The following RAB7A variants were observed in gnomAD, a reference collection of about 807,000 sequenced individuals.
The protein encoded by RAB7A is ras-related protein Rab-7a.
Under a neutral mutation model 24.5 loss-of-function variants are expected in RAB7A, and 2 were observed. The observed-to-expected ratio is 0.08, with a 90% CI of 0.03 to 0.26. The LOEUF is 0.26. Among genes scored for constraint, RAB7A ranks in the 10% least tolerant of loss-of-function variants. The pLI is 1.00. For synonymous variants in RAB7A, 100 were observed against 95.9 expected (o/e 1.04, Z -0.25); for missense variants, 118 against 255.7 (o/e 0.46, Z 3.67).
chr3:128,774,371 G>T (rs1933030849), intron 1 of RAB7A, among the ~76,000 whole-genome samples: 1 of 151,908 alleles, frequency 6.6e-6, no homozygotes, highest in East Asian at 1.9e-4. Context: ...GTTGGGTGGA[G>T]AGTGGTTGGG....
intron 1 of RAB7A, among the ~76,000 whole-genome samples, chr3:128,767,239 G>A (rs989584100): frequency 6.6e-6 from 1 of 152,190 alleles, no homozygotes; most frequent in Non-Finnish European, 1.5e-5. Flanking sequence ...ATACAAGAGG[G>A]ATGCCCCTTC....
chr3:128,784,389 C>G (rs1933293177), intron 1 of RAB7A, among the ~76,000 whole-genome samples: 1 of 152,182 alleles, frequency 6.6e-6, no homozygotes, highest in Non-Finnish European at 1.5e-5. Context: ...TACTTTCTCC[C>G]CATTCTCTTC....
chr3:128,773,309 C>T (rs1056276730), intron 1 of RAB7A, among the ~76,000 whole-genome samples: 6 of 151,552 alleles, frequency 4.0e-5, no homozygotes, highest in African/African-American at 1.5e-4. Context: ...GTGAGGAGCC[C>T]CTCCGCCCGG....
chr3:128,764,264 G>A (rs1288270634), intron 1 of RAB7A, among the ~76,000 whole-genome samples: 2 of 151,852 alleles, frequency 1.3e-5, no homozygotes, highest in African/African-American at 2.4e-5. Flanking sequence ...TTTCTGTCCT[G>A]TAATAGCTTT....
chr3:128,793,245 TCTC>T (rs1337730183), intron 1 of RAB7A, among the ~76,000 whole-genome samples: 1 of 147,812 alleles, frequency 6.8e-6, no homozygotes, highest in East Asian at 2.0e-4. Context: ...CTGGTCTCGA[TCTC>T]CTGATCTCAT....
rs889605879 is a variant in RAB7A, at chr3:128,771,478, G to A, written c.-8-23882G>A. ...AGCATTGGTTCCAGGAATTCAAGAG[G>A]TGGTGAGATATTATGCTTAATGGTA... On this transcript the variant is annotated intron_variant, in intron 1 of 5. Coordinates refer to ENST00000265062, the MANE Select transcript of RAB7A (RefSeq NM_004637.6). Among the ~76,000 whole-genome samples the A allele has an allele frequency of 1.1e-4, 17 of 152,208 alleles. 1 individual carries two copies. The highest frequency in any genetic ancestry group is 3.9e-4 in the African/African-American group (16 of 41,452).
intron 5 of RAB7A, among the ~76,000 whole-genome samples, chr3:128,810,921 G>A (rs1933911067): frequency 1.3e-5 from 2 of 152,156 alleles, no homozygotes; most frequent in African/African-American, 4.8e-5. Flanking sequence ...TGGCGTGGTG[G>A]TGGGCACCTG....
intron 5 of RAB7A, among the ~76,000 whole-genome samples, chr3:128,808,311 G>A (rs1229420240): frequency 6.6e-6 from 1 of 152,144 alleles, no homozygotes; most frequent in African/African-American, 2.4e-5. Context: ...AGTGAGCCAA[G>A]ATCGTGCCAC....
chr3:128,809,942 T>A (rs1182547949), intron 5 of RAB7A, among the ~76,000 whole-genome samples: 1 of 74,860 alleles, frequency 1.3e-5, no homozygotes, highest in African/African-American at 5.0e-5. Flanking sequence ...CAGTCTTTTT[T>A]TTTTTTTTTT....
chr3:128,742,515 T>A (rs1268184671), intron 1 of RAB7A, among the ~76,000 whole-genome samples: 2 of 152,182 alleles, frequency 1.3e-5, no homozygotes, highest in Non-Finnish European at 2.9e-5. Context: ...GATTGGTGTG[T>A]TTATAATCCC....
chr3:128,786,784 C>T (rs1933351216), intron 1 of RAB7A, among the ~76,000 whole-genome samples: 2 of 152,192 alleles, frequency 1.3e-5, no homozygotes. Flanking sequence ...CAAGAAATGC[C>T]GAGTGATTAA....
At chr3:128,782,792 G>A (rs929230543) in intron 1 of RAB7A, among the ~76,000 whole-genome samples, 1 of 152,070 alleles carries the variant, frequency 6.6e-6, no homozygotes, top group African/African-American at 2.4e-5. Context: ...CAAGCATGAG[G>A]AAGTACTGTC....
chr3:128,751,125 C>T (rs2070676760), intron 1 of RAB7A, among the ~76,000 whole-genome samples: 1 of 152,364 alleles, frequency 6.6e-6, no homozygotes, highest in Middle Eastern at 3.4e-3. Flanking sequence ...AGGGGCAGGA[C>T]TCTCATGGAG....
chr3:128,772,872 G>A (rs936396324), intron 1 of RAB7A, among the ~76,000 whole-genome samples: 1 of 152,254 alleles, frequency 6.6e-6, no homozygotes, highest in African/African-American at 2.4e-5. Flanking sequence ...GATTGCAGAC[G>A]GAGTCTCGTT....
intron 1 of RAB7A, among the ~76,000 whole-genome samples, chr3:128,771,315 G>T (rs939564558): frequency 6.6e-6 from 1 of 152,156 alleles, no homozygotes; most frequent in Non-Finnish European, 1.5e-5. Context: ...CCTCAGTTTG[G>T]GGGGCTCATC....
intron 5 of RAB7A, among the ~76,000 whole-genome samples, chr3:128,811,437 A>G (rs530607675): frequency 6.6e-6 from 1 of 152,386 alleles, no homozygotes; most frequent in East Asian, 1.9e-4. Context: ...CAGCTTATCC[A>G]TGCATTCTAA....
chr3:128,751,717 A>C (rs1180875720), intron 1 of RAB7A, among the ~76,000 whole-genome samples: 1 of 152,152 alleles, frequency 6.6e-6, no homozygotes, highest in Non-Finnish European at 1.5e-5. Context: ...TGGGAAGGCA[A>C]GATTGGTTTT....
In RAB7A at chr3:128,807,524, AC is replaced by A. The variant is rs1933831957; in HGVS notation, c.400-16del. 4 of 1,613,552 alleles carry A rather than the reference AC, an allele frequency of 2.5e-6. No individual in the cohort carries two copies. The highest frequency in any genetic ancestry group is 3.4e-6 in the Non-Finnish European group (4 of 1,179,958). On this transcript the variant is annotated intron_variant, in intron 4 of 5. Coordinates refer to ENST00000265062, the MANE Select transcript of RAB7A (RefSeq NM_004637.6). ...CTGCTTCTGTCATGAGCCTATGTGC[AC>A]CCTGCTTCTTCTTTCAGGTGGCCAC... is the stretch of plus-strand genomic sequence containing the variant.
chr3:128,741,331 T>A (rs1576270709), intron 1 of RAB7A, among the ~76,000 whole-genome samples: 1 of 152,176 alleles, frequency 6.6e-6, no homozygotes, highest in Non-Finnish European at 1.5e-5. Flanking sequence ...TTTCTGTGTT[T>A]CATATTATGC....
Sources: allele counts gnomAD v4.1 joint callset (sites outside exome capture counted in the v4.1 genomes callset), GRCh38; gene constraint gnomAD v4.1.1; transcripts MANE v1.5; gene names NCBI Gene and HGNC (gene_info 2026-07-23, HGNC 2026-07-21).